Variants in ZNF385D observed in about 807,000 individuals in gnomAD.
The protein encoded by ZNF385D is zinc finger protein 385D, also known as zinc finger protein 659.
A neutral mutation model predicts 35.8 loss-of-function variants in ZNF385D; 15 were observed. That is an observed-to-expected ratio of 0.42 (90% CI 0.28 to 0.64). The LOEUF (loss-of-function observed/expected upper bound fraction) is 0.64. Among genes scored for constraint, ZNF385D ranks in the 30% least tolerant of loss-of-function variants. The probability of loss-of-function intolerance (pLI) is 0.23; values close to 1 mark genes in which losing one functional copy is unlikely to be tolerated. For synonymous variants in ZNF385D, 212 were observed against 186.8 expected, an observed-to-expected ratio of 1.13 and a Z score of -1.10; for missense variants, 474 against 494.6, an observed-to-expected ratio of 0.96 and a Z score of 0.39.
chr3:22,169,062 A>T (rs1293748465), intron 2 of ZNF385D: 1 of 961,596 alleles, frequency 1.0e-6, no homozygotes, highest in African/African-American at 1.8e-5. Flanking sequence ...AATTATGAAC[A>T]AGCAGATCAA....
intron 2 of ZNF385D, among the ~76,000 whole-genome samples, chr3:21,608,133 C>T (rs1485253824): frequency 1.3e-5 from 2 of 150,450 alleles, no homozygotes; most frequent in African/African-American, 4.9e-5. Context: ...CCTCAGCCTC[C>T]TGAGTAGCTG....
At chr3:21,940,088 C>A (rs1701441583) in intron 3 of ZNF385D, among the ~76,000 whole-genome samples, 1 of 152,056 alleles carries the variant, frequency 6.6e-6, no homozygotes, top group Non-Finnish European at 1.5e-5. Context: ...TTCCCTGGGT[C>A]TTTTTGTTTT....
rs201352013 is a variant in ZNF385D at position 21,670,878 on chromosome 3, CA to C, written c.23-5851del. On this transcript the variant is annotated intron_variant, in intron 1 of 7. Coordinates refer to ENST00000281523, the MANE Select transcript of ZNF385D (RefSeq NM_024697.3). ...GATGCTGCTCCGTTTTAAGTTTCCACAAAAAAAATGGACCAGCATTCCTTGT... is the reference window on the plus strand; with the variant it reads ...GATGCTGCTCCGTTTTAAGTTTCCACAAAAAAATGGACCAGCATTCCTTGT... Among the ~76,000 whole-genome samples the C allele has an allele frequency of 8.9e-4, 134 of 151,388 alleles. 1 individual carries two copies. The highest frequency in any genetic ancestry group is 7.8e-3 in the East Asian group (40 of 5,136).
At chr3:21,502,482 G>A (rs73046494) in intron 4 of ZNF385D, among the ~76,000 whole-genome samples, 10 of 152,236 alleles carry the variant, frequency 6.6e-5, no homozygotes, top group Non-Finnish European at 1.0e-4. Context: ...TGTGATGCAG[G>A]GAGCAGTTAT....
At chr3:22,074,285 G>C (rs776931511) in intron 3 of ZNF385D, among the ~76,000 whole-genome samples, 4 of 151,884 alleles carry the variant, frequency 2.6e-5, no homozygotes, top group Admixed American at 6.6e-5. Flanking sequence ...TGATTATGTC[G>C]ATGCAGAAAT....
chr3:21,790,081 A>G (rs1213833048), intron 3 of ZNF385D, among the ~76,000 whole-genome samples: 1 of 152,192 alleles, frequency 6.6e-6, no homozygotes, highest in Non-Finnish European at 1.5e-5. Context: ...TCTACAAGAC[A>G]CAAACACACA....
rs565744962 is a variant in ZNF385D, at chr3:21,893,708, G to A, written c.326-228680C>T. The stretch of plus-strand genomic sequence containing the variant: ...AAAGTTGCATGGAAATTGAGAATTG[G>A]CAACAAGGAGAATTTCCCTCTCGTC... On this transcript the variant is annotated intron_variant, in intron 3 of 5. Transcript: ENST00000494108. Among the ~76,000 whole-genome samples the A allele has an allele frequency of 2.4e-4, 36 of 152,166 alleles. No individual in the cohort carries two copies. The South Asian group carries it at 7.3e-3, about 31-fold the overall frequency.
rs564878344 is a variant in ZNF385D at position 21,656,853 on chromosome 3, T to A, written c.165+8033A>T. 1.8e-4 allele frequency among the ~76,000 whole-genome samples: 27 copies of A among 152,014 alleles called. No homozygotes were observed. In the South Asian group the frequency reaches 3.1e-3, roughly 17 times the overall value. ...ATTCTTTCATTTTAACATGTCTATGTCTAAGTGTGGAGTAGAGGTCTCCAA... is the reference window on the plus strand; with the variant it reads ...ATTCTTTCATTTTAACATGTCTATGACTAAGTGTGGAGTAGAGGTCTCCAA... On this transcript the variant is annotated intron_variant, in intron 2 of 7. Transcript: ENST00000281523.
At chr3:22,048,745 A>G (rs554957843) in intron 3 of ZNF385D, among the ~76,000 whole-genome samples, 2 of 152,106 alleles carry the variant, frequency 1.3e-5, no homozygotes, top group Admixed American at 6.6e-5. Flanking sequence ...TGTGATTCCA[A>G]GTGAATTTTA....
intron 3 of ZNF385D, among the ~76,000 whole-genome samples, chr3:21,932,649 A>G (rs2125251428): frequency 6.6e-6 from 1 of 152,014 alleles, no homozygotes; most frequent in South Asian, 2.1e-4. Flanking sequence ...AAAGTTAAGG[A>G]GGTTAAAAAA....
rs1706824752 is a variant in ZNF385D at position 21,507,096 on chromosome 3, T to C, written c.439+3765A>G. 2.0e-5 allele frequency among the ~76,000 whole-genome samples: 3 copies of C among 152,188 alleles called. No homozygotes were observed. The South Asian group carries it at 6.2e-4, about 32-fold the overall frequency. ...TTTATACTAATAAATAATATATGAC[T>C]TGAAAATTTAAGAGGAATTATCAAT... On this transcript the variant is annotated intron_variant, in intron 4 of 7. Transcript: ENST00000281523.
intron 3 of ZNF385D, among the ~76,000 whole-genome samples, chr3:22,009,639 A>T (rs546172394): frequency 0.022 from 3,404 of 151,970 alleles, 134 homozygotes; most frequent in African/African-American, 0.076. Flanking sequence ...AAAAATAAAA[A>T]AAAAAAAGAT....
At chr3:21,895,878 A>G (rs1210371829) in intron 3 of ZNF385D, among the ~76,000 whole-genome samples, 3 of 152,168 alleles carry the variant, frequency 2.0e-5, no homozygotes, top group Admixed American at 1.3e-4. Flanking sequence ...AAAAGAGTCT[A>G]TGAAGTCTCC....
chr3:22,078,394 CA>C (rs1481500127), intron 3 of ZNF385D, among the ~76,000 whole-genome samples: 1 of 152,002 alleles, frequency 6.6e-6, no homozygotes, highest in Non-Finnish European at 1.5e-5. Context: ...GAAAATGATC[CA>C]ACCATGCAGT....
intron 2 of ZNF385D, among the ~76,000 whole-genome samples, chr3:22,245,764 G>C (rs1313870811): frequency 7.3e-6 from 1 of 136,608 alleles, no homozygotes; most frequent in Non-Finnish European, 1.6e-5. Flanking sequence ...TGGGGAGGGG[G>C]GGCTATGTGG....
chr3:21,958,804 C>T (rs572261922), intron 3 of ZNF385D: 14 of 152,214 alleles, frequency 9.2e-5, no homozygotes, highest in Non-Finnish European at 1.5e-4. Flanking sequence ...CATGGATGTT[C>T]ACGATATTAT....
chr3:22,220,060 C>CT (rs539089821), intron 2 of ZNF385D, among the ~76,000 whole-genome samples: 7,378 of 144,544 alleles, frequency 0.051, 208 homozygotes, highest in Non-Finnish European at 0.068. Context: ...TTCTTTCTTC[C>CT]TTTTTTTTTT....
At chr3:21,650,787 AAC>A (rs968830615) in intron 2 of ZNF385D, among the ~76,000 whole-genome samples, 1 of 152,140 alleles carries the variant, frequency 6.6e-6, no homozygotes, top group Non-Finnish European at 1.5e-5. Flanking sequence ...ATTTTGGACT[AAC>A]AGTTTCTGAG....
chr3:21,613,082 C>T (rs1429819039), intron 2 of ZNF385D, among the ~76,000 whole-genome samples: 1 of 151,118 alleles, frequency 6.6e-6, no homozygotes, highest in African/African-American at 2.4e-5. Flanking sequence ...TAAACTCTCA[C>T]CCTGAACATA....
Sources: gnomAD v4.1 joint callset for allele counts (sites outside exome capture counted in the v4.1 genomes callset) on GRCh38, gnomAD v4.1.1 for gene constraint, MANE v1.5 for transcripts, NCBI Gene and HGNC (gene_info 2026-07-23, HGNC 2026-07-21) for gene names.